The following ATRNL1 variants were observed in gnomAD, a reference collection of about 807,000 sequenced individuals.
ATRNL1 encodes the protein attractin-like protein 1.
In ATRNL1, 95 loss-of-function variants were observed where a neutral mutation model predicts 182.7. The ratio of observed to expected loss-of-function variants is 0.52; its 90% CI spans 0.44 to 0.62. The LOEUF is 0.62. Among genes scored for constraint, ATRNL1 ranks in the 20% least tolerant of loss-of-function variants. The pLI is 0.00. For missense variants in ATRNL1, 1,471 were observed against 1,679.5 expected, an observed-to-expected ratio of 0.88 and a Z score of 2.17; for synonymous variants, 576 against 568.3, an observed-to-expected ratio of 1.01 and a Z score of -0.19.
chr10:115,216,476 T>C (rs926997514), intron 9 of ATRNL1, among the ~76,000 whole-genome samples: 1 of 152,226 alleles, frequency 6.6e-6, no homozygotes, highest in Non-Finnish European at 1.5e-5. Flanking sequence ...TATTTTAATG[T>C]GCATTTTCCT....
At chr10:115,297,863 G>A (rs1853282995) in intron 15 of ATRNL1, among the ~76,000 whole-genome samples, 1 of 151,910 alleles carries the variant, frequency 6.6e-6, no homozygotes, top group African/African-American at 2.4e-5. Context: ...GCTTTTTTGA[G>A]ATTGCATATT....
At chr10:115,689,279 T>G (rs1249846177) in intron 26 of ATRNL1, among the ~76,000 whole-genome samples, 1 of 152,178 alleles carries the variant, frequency 6.6e-6, no homozygotes, top group Non-Finnish European at 1.5e-5. Flanking sequence ...TTTGTGTGGT[T>G]TGTTCTTGAT....
chr10:115,160,491 C>A (rs1846733151), intron 6 of ATRNL1, among the ~76,000 whole-genome samples: 1 of 274 alleles, frequency 3.6e-3, no homozygotes, highest in Admixed American at 0.062. Context: ...CAGGCCTTTG[C>A]CTATATGGAT....
intron 26 of ATRNL1, among the ~76,000 whole-genome samples, chr10:115,715,804 G>C (rs761983013): frequency 6.6e-6 from 1 of 152,158 alleles, no homozygotes; most frequent in Middle Eastern, 3.2e-3. Context: ...CAAAGTTCAC[G>C]TCAAGGTATT....
chr10:115,782,882 C>T (rs1555079617), intron 27 of ATRNL1, among the ~76,000 whole-genome samples: 1 of 152,136 alleles, frequency 6.6e-6, no homozygotes, highest in Non-Finnish European at 1.5e-5. Context: ...TTTAAACGGA[C>T]AGGACAGTTA....
At chr10:115,658,156 C>T (rs1395507424) in intron 26 of ATRNL1, among the ~76,000 whole-genome samples, 6 of 127,222 alleles carry the variant, frequency 4.7e-5, no homozygotes, top group Admixed American at 4.0e-4. Context: ...AGTGCAGTGG[C>T]GCAATTTCGG....
intron 26 of ATRNL1, among the ~76,000 whole-genome samples, chr10:115,622,788 A>G (rs1366983266): frequency 2.6e-5 from 4 of 152,154 alleles, no homozygotes; most frequent in Middle Eastern, 3.4e-3. Flanking sequence ...TTAGCCAGGC[A>G]AGGTGGCGGG....
chr10:115,524,700 G>T (rs1422339878), intron 25 of ATRNL1, among the ~76,000 whole-genome samples: 2 of 152,140 alleles, frequency 1.3e-5, no homozygotes, highest in Non-Finnish European at 2.9e-5. Context: ...CAGCTACCTT[G>T]TACATCAGTT....
chr10:115,686,665 A>T (rs1438481375), intron 26 of ATRNL1, among the ~76,000 whole-genome samples: 1 of 152,064 alleles, frequency 6.6e-6, no homozygotes, highest in Non-Finnish European at 1.5e-5. Flanking sequence ...AAACCAGCAC[A>T]TATCAAATAT....
chr10:115,178,927 T>C (rs1847638946), intron 8 of ATRNL1, among the ~76,000 whole-genome samples: 1 of 152,074 alleles, frequency 6.6e-6, no homozygotes, highest in Non-Finnish European at 1.5e-5. Context: ...TCTTTTTTTT[T>C]CTAAAAAAAT....
intron 5 of ATRNL1, among the ~76,000 whole-genome samples, chr10:115,139,941 T>C (rs1304293168): frequency 6.6e-6 from 1 of 152,162 alleles, no homozygotes; most frequent in Non-Finnish European, 1.5e-5. Flanking sequence ...GGATAAACTA[T>C]TGTTGGAAAG....
At chr10:115,719,519 A>G (rs1355557793) in intron 26 of ATRNL1, among the ~76,000 whole-genome samples, 1 of 152,240 alleles carries the variant, frequency 6.6e-6, no homozygotes, top group Non-Finnish European at 1.5e-5. Context: ...GGGATTGTCT[A>G]TGCTGGATCA....
chr10:115,429,334 A>G (rs1188726155), intron 21 of ATRNL1, among the ~76,000 whole-genome samples: 2 of 152,114 alleles, frequency 1.3e-5, no homozygotes, highest in Non-Finnish European at 2.9e-5. Context: ...AATGCAGTTA[A>G]TTATATTACA....
chr10:115,418,914 G>A (rs991413911), intron 20 of ATRNL1, among the ~76,000 whole-genome samples: 4 of 152,042 alleles, frequency 2.6e-5, no homozygotes, highest in African/African-American at 9.7e-5. Flanking sequence ...GGAATTAATG[G>A]CCACCAGACC....
chr10:115,095,854 C>T (rs1468019482), intron 1 of ATRNL1, among the ~76,000 whole-genome samples: 2 of 151,916 alleles, frequency 1.3e-5, no homozygotes, highest in African/African-American at 4.8e-5. Flanking sequence ...AGGGAGAGTG[C>T]CTGATTTATA....
chr10:115,484,116 T>C (rs1848902771), intron 24 of ATRNL1, among the ~76,000 whole-genome samples: 1 of 126,042 alleles, frequency 7.9e-6, no homozygotes. Flanking sequence ...TGTTTCTGAT[T>C]ATCTTTTTTT....
chr10:115,565,003 A>G (rs1853990814), intron 26 of ATRNL1, among the ~76,000 whole-genome samples: 1 of 152,014 alleles, frequency 6.6e-6, no homozygotes, highest in South Asian at 2.1e-4. Context: ...CATTTTGAAC[A>G]CTTTATATCT....
intron 5 of ATRNL1, among the ~76,000 whole-genome samples, chr10:115,151,734 A>G (rs1209402027): frequency 2.0e-5 from 3 of 151,996 alleles, no homozygotes; most frequent in Non-Finnish European, 2.9e-5. Context: ...CCCATTTGTC[A>G]ATTTTGGCTT....
At chr10:115,754,838 A>G (rs781930523) in intron 27 of ATRNL1, among the ~76,000 whole-genome samples, 2 of 151,850 alleles carry the variant, frequency 1.3e-5, no homozygotes, top group Non-Finnish European at 2.9e-5. Context: ...TTCCTCTCTT[A>G]TTTCCTTGAG....
Sources: gnomAD v4.1 joint callset for allele counts (sites outside exome capture counted in the v4.1 genomes callset) on GRCh38, gnomAD v4.1.1 for gene constraint, MANE v1.5 for transcripts, NCBI Gene and HGNC (gene_info 2026-07-23, HGNC 2026-07-21) for gene names.